PRELID2: variants seen among roughly 807,000 people sequenced by gnomAD.
PRELID2 encodes PRELI domain containing 2, also known as PRELI domain-containing protein 2.
PRELID2 carries 25 observed loss-of-function variants against 28.4 expected under a neutral mutation model. The observed-to-expected ratio is 0.88, with a 90% CI of 0.64 to 1.23. PRELID2 has a LOEUF of 1.23. Ranked by LOEUF, PRELID2 falls within the 50% of genes most tolerant of loss-of-function variation. The probability of loss-of-function intolerance (pLI) is 0.00; values close to 1 mark genes in which losing one functional copy is unlikely to be tolerated. For missense variants in PRELID2, 201 were observed against 214.4 expected (o/e 0.94, Z 0.39); for synonymous variants, 76 against 71.6 (o/e 1.06, Z -0.31).
chr5:145,240,358 G>T, the PRELID2 span, among the ~76,000 whole-genome samples: 1 of 151,590 alleles, frequency 6.6e-6, no homozygotes, highest in Non-Finnish European at 1.5e-5. Flanking sequence ...TTAACATTTT[G>T]TTTCTGTCTT....
intron 1 of PRELID2, among the ~76,000 whole-genome samples, chr5:145,741,248 A>G (rs1223905195): frequency 6.1e-4 from 69 of 112,760 alleles, no homozygotes; most frequent in Admixed American, 3.3e-3. Context: ...ATAAATATAT[A>G]ATATATAAAT....
chr5:145,601,108 A>T (rs1753390118), intron 1 of PRELID2, among the ~76,000 whole-genome samples: 1 of 152,186 alleles, frequency 6.6e-6, no homozygotes, highest in East Asian at 1.9e-4. Context: ...GTGAACTATG[A>T]TTGTGTCACT....
the PRELID2 span, among the ~76,000 whole-genome samples, chr5:145,456,224 G>A: frequency 1.3e-5 from 2 of 152,174 alleles, no homozygotes; most frequent in Non-Finnish European, 2.9e-5. Context: ...TTTCTAACAA[G>A]ACTTTGTTAA....
intron 5 of PRELID2, among the ~76,000 whole-genome samples, chr5:145,766,360 T>C (rs1757760159): frequency 6.6e-6 from 1 of 152,254 alleles, no homozygotes; most frequent in Admixed American, 6.5e-5. Context: ...CATATGATCC[T>C]CTTATGATTA....
chr5:145,650,018 G>T (rs1181648990), intron 1 of PRELID2, among the ~76,000 whole-genome samples: 1 of 152,146 alleles, frequency 6.6e-6, no homozygotes, highest in East Asian at 1.9e-4. Context: ...TCTGAAGGAT[G>T]TTATCTTCCT....
chr5:145,764,364 C>G (rs1757621934), intron 6 of PRELID2, among the ~76,000 whole-genome samples: 1 of 152,172 alleles, frequency 6.6e-6, no homozygotes, highest in African/African-American at 2.4e-5. Flanking sequence ...TGTCCTCCTT[C>G]CATCCTGTGC....
At chr5:145,833,340 A>G (rs566907876) in intron 1 of PRELID2, among the ~76,000 whole-genome samples, 11 of 152,280 alleles carry the variant, frequency 7.2e-5, no homozygotes, top group Admixed American at 2.0e-4. Flanking sequence ...GTGGAGATCA[A>G]CTGACTCTTG....
intron 1 of PRELID2, among the ~76,000 whole-genome samples, chr5:145,645,627 G>T (rs1283899053): frequency 6.6e-6 from 1 of 152,000 alleles, no homozygotes; most frequent in Non-Finnish European, 1.5e-5. Flanking sequence ...TCTTCATAGT[G>T]TCGACATTCT....
intron 1 of PRELID2, chr5:145,703,917 TC>T (rs1285219597): frequency 1.3e-5 from 2 of 152,176 alleles, no homozygotes; most frequent in African/African-American, 2.4e-5. Context: ...AGAAAATAAA[TC>T]CATAAAGTCA....
intron 1 of PRELID2, among the ~76,000 whole-genome samples, chr5:145,689,749 A>G (rs1026731880): frequency 3.9e-5 from 6 of 152,176 alleles, no homozygotes; most frequent in African/African-American, 7.2e-5. Context: ...CTGAGCATTC[A>G]GAAGATCATG....
chr5:145,611,679 C>T (rs74925519), intron 1 of PRELID2, among the ~76,000 whole-genome samples: 2,151 of 152,218 alleles, frequency 0.014, 15 homozygotes, highest in Non-Finnish European at 0.023. Flanking sequence ...TACACAAAGA[C>T]ACAACTTTTT....
Position 145,484,941 on chromosome 5 carries a change from T to C in PRELID2, n.71-11626A>G, listed in dbSNP as rs2126620778. 1.3e-5 allele frequency among the ~76,000 whole-genome samples: 2 copies of C among 152,298 alleles called. 1 individual carries two copies. The highest frequency in any genetic ancestry group is 3.9e-4 in the East Asian group (2 of 5,174). On this transcript the variant is annotated intron_variant and non_coding_transcript_variant, in intron 1 of 2. Transcript: ENST00000510259. ...CCCTCAAGCAACAGAGAGGAGCTACTACCAGGGGCTCTTCTAGCTTCTGAG... is the reference window on the plus strand; with the variant it reads ...CCCTCAAGCAACAGAGAGGAGCTACCACCAGGGGCTCTTCTAGCTTCTGAG...
At chr5:145,605,004 C>T (rs1322226335) in intron 1 of PRELID2, among the ~76,000 whole-genome samples, 3 of 149,438 alleles carry the variant, frequency 2.0e-5, no homozygotes, top group Non-Finnish European at 4.4e-5. Flanking sequence ...CCTTTGCCCA[C>T]TTTTTAATGG....
chr5:145,653,964 GT>G (rs931130063), intron 1 of PRELID2, among the ~76,000 whole-genome samples: 5 of 151,904 alleles, frequency 3.3e-5, no homozygotes, highest in Non-Finnish European at 5.9e-5. Context: ...CCAGGAGCTG[GT>G]TTTTTTAAAA....
chr5:145,355,214 T>C, the PRELID2 span, among the ~76,000 whole-genome samples: 3 of 152,100 alleles, frequency 2.0e-5, no homozygotes, highest in African/African-American at 7.2e-5. Context: ...CATAAGCAAG[T>C]GGAAACTTCA....
chr5:145,580,694 A>AC (rs1470815051), intron 1 of PRELID2, among the ~76,000 whole-genome samples: 1 of 152,042 alleles, frequency 6.6e-6, no homozygotes, highest in Non-Finnish European at 1.5e-5. Context: ...TGAATTAGCC[A>AC]GGCCCCCGTG....
chr5:145,535,661 A>G (rs567722393), intron 1 of PRELID2, among the ~76,000 whole-genome samples: 14 of 152,018 alleles, frequency 9.2e-5, no homozygotes, highest in Admixed American at 7.9e-4. Context: ...GTATAATTTC[A>G]TAGCTGCCTA....
chr5:145,338,666 A>G, the PRELID2 span, among the ~76,000 whole-genome samples: 1 of 152,302 alleles, frequency 6.6e-6, no homozygotes, highest in African/African-American at 2.4e-5. Context: ...AGTTGCTACC[A>G]CTTTTTGAGT....
chr5:145,246,710 G>GA, the PRELID2 span, among the ~76,000 whole-genome samples: 1 of 152,118 alleles, frequency 6.6e-6, no homozygotes. Context: ...CTACGAGACG[G>GA]AAACTGCCTT....
Sources: gnomAD v4.1 joint callset for allele counts (sites outside exome capture counted in the v4.1 genomes callset) on GRCh38, gnomAD v4.1.1 for gene constraint, MANE v1.5 for transcripts, NCBI Gene and HGNC (gene_info 2026-07-23, HGNC 2026-07-21) for gene names.